Variants in IRAK1BP1 observed in about 807,000 individuals in gnomAD.
IRAK1BP1 encodes the protein interleukin 1 receptor associated kinase 1 binding protein 1.
A neutral mutation model predicts 28.0 loss-of-function variants in IRAK1BP1; 24 were observed. The observed-to-expected ratio is 0.86, with a 90% CI of 0.62 to 1.20. The LOEUF (loss-of-function observed/expected upper bound fraction) is 1.20. Among genes scored for constraint, IRAK1BP1 ranks in the 50% most tolerant of loss-of-function variants. The pLI, the probability that IRAK1BP1 is intolerant of heterozygous loss-of-function variation, is 0.00. For synonymous variants in IRAK1BP1, 131 were observed against 116.3 expected, an observed-to-expected ratio of 1.13 and a Z score of -0.81; for missense variants, 336 against 316.7, an observed-to-expected ratio of 1.06 and a Z score of -0.46.
At chr6:78,931,888 T>C (rs773027502) in intron 4 of IRAK1BP1, among the ~76,000 whole-genome samples, 1 of 152,220 alleles carries the variant, frequency 6.6e-6, no homozygotes, top group Non-Finnish European at 1.5e-5. Context: ...GATTTCTTTG[T>C]AGCATGCAAT....
chr6:78,942,561 G>A (rs1445401098), intron 4 of IRAK1BP1, among the ~76,000 whole-genome samples: 1 of 152,128 alleles, frequency 6.6e-6, no homozygotes, highest in African/African-American at 2.4e-5. Context: ...GACAGAAAAT[G>A]CAAAGCTTTT....
chr6:78,945,537 G>T, exon 5 of IRAK1BP1: 1 of 1,228,834 alleles, frequency 8.1e-7, no homozygotes, highest in Non-Finnish European at 1.2e-6. Context: ...AAGAGTTATT[G>T]AACCTAAAGA....
At position 78,900,966 on chromosome 6, in the gene IRAK1BP1, A is replaced by G. The variant is rs572860370; in HGVS notation, c.*2632A>G. ...TGAAAATAAAGTTGTCAGAAAACCA[A>G]TGTAACATATGTTGAATTTTTATTA... On this transcript the variant is annotated 3_prime_UTR_variant, in exon 4 of 4. Transcript: ENST00000369940. 3 of 152,310 alleles carry G rather than the reference A, an allele frequency of 2.0e-5. No homozygotes were observed. The East Asian group carries it at 5.8e-4, about 29-fold the overall frequency. 9.4% of individuals were successfully genotyped at this position (152,310 alleles called of 1,614,324 possible).
chr6:78,957,120 T>C, the IRAK1BP1 span: 1 of 152,096 alleles, frequency 6.6e-6, no homozygotes, highest in Non-Finnish European at 1.5e-5. Context: ...CTTTAAGTAT[T>C]TCATGAATCT....
intron 4 of IRAK1BP1, among the ~76,000 whole-genome samples, chr6:78,911,218 TC>T (rs1458780729): frequency 1.3e-5 from 2 of 152,082 alleles, no homozygotes; most frequent in East Asian, 1.9e-4. Flanking sequence ...AGTGTCAAAA[TC>T]AGGTCAGGGC....
intron 4 of IRAK1BP1, among the ~76,000 whole-genome samples, chr6:78,911,816 G>C (rs1651828674): frequency 6.6e-6 from 1 of 152,200 alleles, no homozygotes; most frequent in Non-Finnish European, 1.5e-5. Flanking sequence ...TTACAAGCGA[G>C]CATATAGAGG....
At chr6:78,938,540 G>A (rs1773354823) in intron 4 of IRAK1BP1, 1 of 151,458 alleles carries the variant, frequency 6.6e-6, no homozygotes, top group Non-Finnish European at 1.5e-5. Flanking sequence ...GCCTTCAAAA[G>A]CAACTAATTA....
chr6:78,966,096 A>ATG, the IRAK1BP1 span: 1 of 1,207,594 alleles, frequency 8.3e-7, no homozygotes, highest in Non-Finnish European at 1.2e-6. Context: ...TCTGAAATGC[A>ATG]TGGCTGCTGT....
chr6:78,896,523 A>G (rs1771889181), intron 2 of IRAK1BP1, among the ~76,000 whole-genome samples: 1 of 152,216 alleles, frequency 6.6e-6, no homozygotes, highest in Non-Finnish European at 1.5e-5. Context: ...AATCTTTAAC[A>G]GTGGAGAATG....
Position 78,918,871 on chromosome 6 carries a change from A to T in IRAK1BP1, c.*67+15761A>T, listed in dbSNP as rs145419646. 1.2e-4 allele frequency among the ~76,000 whole-genome samples: 18 copies of T among 152,332 alleles called. No homozygotes were observed. In the East Asian group the frequency reaches 3.5e-3, roughly 29 times the overall value. On this transcript the variant is annotated intron_variant and NMD_transcript_variant, in intron 4 of 4. Transcript: ENST00000606868. ...CAATTGGATGTAATAGGCACTACAG[A>T]ATACTCCAGTCATCAACCACAGAAT... is the stretch of plus-strand genomic sequence containing the variant.
the IRAK1BP1 span, among the ~76,000 whole-genome samples, chr6:78,966,297 G>A: frequency 2.6e-5 from 4 of 152,128 alleles, no homozygotes; most frequent in Non-Finnish European, 5.9e-5. Flanking sequence ...TTTCATTAAG[G>A]TATACAGAAA....
rs1773507429 is a variant in IRAK1BP1 at position 78,941,644 on chromosome 6, A to AC, written c.*68-3764_*68-3763insC. ...AAGGTTTCTTATTCCTAACTTAGAA[A>AC]TAAGTTACTCTTGGTCAAAAACTTT... On this transcript the variant is annotated intron_variant and NMD_transcript_variant, in intron 4 of 4. Coordinates refer to the IRAK1BP1 transcript ENST00000606868. Among the ~76,000 whole-genome samples the AC allele has an allele frequency of 2.0e-5, 3 of 152,188 alleles. No homozygotes were observed. In the South Asian group the frequency reaches 6.2e-4, roughly 32 times the overall value.
intron 4 of IRAK1BP1, among the ~76,000 whole-genome samples, chr6:78,944,245 TAAAG>T (rs1012084617): frequency 2.6e-5 from 4 of 152,246 alleles, no homozygotes; most frequent in Admixed American, 2.0e-4. Context: ...AGCCAAGTAA[TAAAG>T]AGTCTTGTGT....
chr6:78,923,800 A>G (rs1772810049), intron 4 of IRAK1BP1, among the ~76,000 whole-genome samples: 1 of 152,200 alleles, frequency 6.6e-6, no homozygotes, highest in African/African-American at 2.4e-5. Context: ...AAACTGAACA[A>G]TCTGCTCCTG....
At chr6:78,969,448 G>C in the IRAK1BP1 span, among the ~76,000 whole-genome samples, 1 of 152,108 alleles carries the variant, frequency 6.6e-6, no homozygotes, top group East Asian at 1.9e-4. Context: ...TAATTTTAAA[G>C]ATTATAATAG....
chr6:78,876,995 A>G (rs2127640287), intron 1 of IRAK1BP1, among the ~76,000 whole-genome samples: 1 of 152,324 alleles, frequency 6.6e-6, no homozygotes, highest in Non-Finnish European at 1.5e-5. Flanking sequence ...AACAAAGAAT[A>G]ATGCATCCCA....
chr6:78,927,874 T>C (rs1772934778), intron 4 of IRAK1BP1, among the ~76,000 whole-genome samples: 1 of 152,188 alleles, frequency 6.6e-6, no homozygotes, highest in Admixed American at 6.5e-5. Flanking sequence ...GGGTTCTATA[T>C]TCTGTTCCAT....
At chr6:78,921,008 AGAT>A (rs1418044013) in intron 4 of IRAK1BP1, among the ~76,000 whole-genome samples, 1 of 152,190 alleles carries the variant, frequency 6.6e-6, no homozygotes, top group Non-Finnish European at 1.5e-5. Flanking sequence ...GTGACACAGA[AGAT>A]GAATGATTTC....
chr6:78,874,384 C>G (rs970440448), intron 1 of IRAK1BP1, among the ~76,000 whole-genome samples: 1 of 151,852 alleles, frequency 6.6e-6, no homozygotes, highest in Non-Finnish European at 1.5e-5. Context: ...CATGAGGATT[C>G]TGTATTTCTT....
Sources: allele counts gnomAD v4.1 joint callset (sites outside exome capture counted in the v4.1 genomes callset), GRCh38; gene constraint gnomAD v4.1.1; transcripts MANE v1.5; gene names NCBI Gene and HGNC (gene_info 2026-07-23, HGNC 2026-07-21).